Variants in RB1 observed in about 807,000 individuals in gnomAD.
RB1 encodes the protein RB transcriptional corepressor 1, also known as retinoblastoma-associated protein.
Under a neutral mutation model 135.4 loss-of-function variants are expected in RB1, and 18 were observed. The ratio of observed to expected loss-of-function variants is 0.13; its 90% CI spans 0.09 to 0.20. RB1 has a LOEUF of 0.20. Ranked by LOEUF, RB1 falls within the 10% of genes least tolerant of loss-of-function variation. The probability of loss-of-function intolerance (pLI) is 1.00; values close to 1 mark genes in which losing one functional copy is unlikely to be tolerated. For missense variants in RB1, 868 were observed against 1,110.0 expected (o/e 0.78, Z 3.10); for synonymous variants, 365 against 373.2 (o/e 0.98, Z 0.25).
At chr13:48,375,107 A>G (rs1424488393) in intron 12 of RB1, among the ~76,000 whole-genome samples, 5 of 152,128 alleles carry the variant, frequency 3.3e-5, no homozygotes, top group Non-Finnish European at 2.9e-5. Flanking sequence ...TCTTTATCCA[A>G]TCCACCACTG....
At chr13:48,338,351 G>A (rs548872848) in intron 2 of RB1, among the ~76,000 whole-genome samples, 7 of 152,194 alleles carry the variant, frequency 4.6e-5, no homozygotes, top group African/African-American at 9.6e-5. Flanking sequence ...CACAGAGTCC[G>A]GTATTTCTTG....
chr13:48,348,574 T>C (rs1952518258), intron 5 of RB1, among the ~76,000 whole-genome samples: 1 of 151,734 alleles, frequency 6.6e-6, no homozygotes, highest in African/African-American at 2.4e-5. Context: ...TGAAACAAAG[T>C]ATGTTATAAC....
intron 10 of RB1, 33 bp from the exon 11 acceptor site, chr13:48,368,494 A>G (rs2138122983): frequency 1.2e-6 from 2 of 1,611,414 alleles, no homozygotes; most frequent in South Asian, 1.1e-5. Flanking sequence ...GTAAATTTTC[A>G]GTATGTGAAT....
chr13:48,312,828 CT>C (rs1952143001), intron 2 of RB1, among the ~76,000 whole-genome samples: 2 of 152,164 alleles, frequency 1.3e-5, no homozygotes, highest in African/African-American at 4.8e-5. Context: ...TGACTAGTCT[CT>C]TCTTTTCTCC....
intron 17 of RB1, among the ~76,000 whole-genome samples, chr13:48,394,457 C>T (rs754333142): frequency 1.3e-5 from 2 of 152,208 alleles, no homozygotes; most frequent in Non-Finnish European, 2.9e-5. Context: ...TGGTCTACCT[C>T]AGCGGATCCC....
chr13:48,367,957 A>G (rs1422656319), intron 10 of RB1, among the ~76,000 whole-genome samples: 1 of 152,172 alleles, frequency 6.6e-6, no homozygotes, highest in Admixed American at 6.5e-5. Flanking sequence ...TTTATTTAAA[A>G]AAGTTTATAC....
chr13:48,476,900 G>C lies in RB1; in HGVS notation c.2663+57G>C, dbSNP rs1234385415. ...CCGAGATGGTCATCTGGGGAATCCA[G>C]AGTCTCAGCACTGCTCCTGGCTTAT... On this transcript the variant is annotated intron_variant, in intron 25 of 26. Transcript: ENST00000267163. The C allele has an allele frequency of 1.4e-5, 22 of 1,591,866 alleles. No homozygotes were observed. The East Asian group carries it at 4.5e-4, about 32-fold the overall frequency.
rs957520917 is a variant in RB1, at chr13:48,402,297, C to T, written c.1695+20854C>T. 9.3e-5 allele frequency among the ~76,000 whole-genome samples: 14 copies of T among 150,950 alleles called. 1 individual carries two copies. The highest frequency in any genetic ancestry group is 7.9e-4 in the Admixed American group (12 of 15,140). The stretch of plus-strand genomic sequence containing the variant: ...TTTAACGGGGTCTTCTGAAAATAAA[C>T]GTTTGCACATTTCAGTTCCAATGAA... On this transcript the variant is annotated intron_variant, in intron 17 of 26. Coordinates refer to ENST00000267163, the MANE Select transcript of RB1 (RefSeq NM_000321.3).
In RB1 at chr13:48,345,080, T is replaced by G; in HGVS notation, c.381T>G (p.Ser127Arg). The stretch of plus-strand genomic sequence containing the variant: ...CTTTTTTCTATTCTTTCCTTTGTAG[T>G]GTCCATAAATTCTTTAACTTACTAA... ...FTELQKNIEI[S>R]VHKFFNLLKE... Residue 127 changes from serine (S) to arginine (R), a missense_variant and splice_region_variant, in exon 4 of 27, where the codon AGT (serine) becomes AGG (arginine). Around this residue, in one of 3 missense-constraint regions of RB1, gnomAD observed 641 missense variants for 791.3 expected, o/e 0.81. Coordinates refer to ENST00000267163, the MANE Select transcript of RB1 (RefSeq NM_000321.3). 3 of 1,610,598 alleles carry G rather than the reference T, an allele frequency of 1.9e-6. No individual in the cohort carries two copies. Among genetic ancestry groups the G allele is most frequent in the Non-Finnish European group, 2.5e-6 (3 of 1,178,086 alleles).
chr13:48,342,547 C>T (rs200537722), intron 2 of RB1, 52 bp from the exon 3 acceptor site: 38 of 1,065,900 alleles, frequency 3.6e-5, no homozygotes, highest in Non-Finnish European at 5.3e-5. Flanking sequence ...AACATAGTAT[C>T]CAGTGTGTGA....
chr13:48,322,898 G>A (rs1435988476), intron 2 of RB1, among the ~76,000 whole-genome samples: 1 of 151,718 alleles, frequency 6.6e-6, no homozygotes, highest in African/African-American at 2.4e-5. Context: ...CTTTTGATAT[G>A]TTGCTAGATT....
intron 17 of RB1, among the ~76,000 whole-genome samples, chr13:48,434,051 T>C (rs1001459206): frequency 5.3e-5 from 8 of 152,056 alleles, no homozygotes; most frequent in Non-Finnish European, 1.2e-4. Flanking sequence ...GTTACAAGAA[T>C]ATATGTTCTT....
intron 17 of RB1, among the ~76,000 whole-genome samples, chr13:48,447,852 G>T (rs764675124): frequency 1.3e-5 from 2 of 152,154 alleles, no homozygotes; most frequent in Admixed American, 6.5e-5. Context: ...AATGAAATAT[G>T]AAGACTATTG....
chr13:48,307,689 T>C lies in RB1; in HGVS notation c.264+283T>C, dbSNP rs4151429. Among the ~76,000 whole-genome samples the C allele has an allele frequency of 0.03, 3,115 of 102,514 alleles. 107 individuals carry two copies. Among genetic ancestry groups the C allele is most frequent in the African/African-American group, 0.093 (2,937 of 31,506 alleles). 67.3% of individuals were successfully genotyped at this position (102,514 alleles called of 152,430 possible). Reference sequence around the variant, plus strand: ...GGGCAACATGGTGAAACCCTGTCTCTACTAAAATACAAAAAAAAAAAAAAA... The same window carrying C: ...GGGCAACATGGTGAAACCCTGTCTCCACTAAAATACAAAAAAAAAAAAAAA... On this transcript the variant is annotated intron_variant, in intron 2 of 26. Transcript: ENST00000267163.
intron 17 of RB1, among the ~76,000 whole-genome samples, chr13:48,450,095 T>TATA (rs368853300): frequency 4.0e-5 from 3 of 75,610 alleles, no homozygotes; most frequent in Non-Finnish European, 6.2e-5. Flanking sequence ...TATATATATA[T>TATA]TTTTTTTTTT....
chr13:48,450,192 A>T (rs1949318140), intron 17 of RB1, among the ~76,000 whole-genome samples: 1 of 151,990 alleles, frequency 6.6e-6, no homozygotes, highest in Non-Finnish European at 1.5e-5. Flanking sequence ...TTCATCATGA[A>T]ATCTTTCCCC....
In RB1 at chr13:48,481,342, G is replaced by A. The variant is rs969362383; in HGVS notation, c.*1271G>A. ...AAACAGCTGCATTAGAAAAAGAGGC[G>A]CTTCTCCCCTCCCCTACACCTAAAG... On this transcript the variant is annotated 3_prime_UTR_variant, in exon 27 of 27. Coordinates refer to ENST00000267163, the MANE Select transcript of RB1 (RefSeq NM_000321.3). The A allele has an allele frequency of 1.7e-5, 4 of 231,756 alleles. No individual in the cohort carries two copies. Among genetic ancestry groups the A allele is most frequent in the African/African-American group, 2.2e-5 (1 of 45,212 alleles). The allele number at this position is 231,756 out of a possible 1,614,324, so 14.4% of individuals were successfully genotyped here.
In RB1 at chr13:48,459,886, A is replaced by AG; in HGVS notation, c.2106+53_2106+54insG. The AG allele has an allele frequency of 2.0e-6, 2 of 1,004,912 alleles. 1 individual carries two copies. Among genetic ancestry groups the AG allele is most frequent in the East Asian group, 7.1e-5 (2 of 28,236 alleles). The allele number at this position is 1,004,912 out of a possible 1,614,324, so 62.2% of individuals were successfully genotyped here. ...CTCCTCCCTACTTACTTGTTAACTG[A>AG]TTCTTTCTTTCTTTCTTTCTTTCTT... is the stretch of plus-strand genomic sequence containing the variant. On this transcript the variant is annotated intron_variant, in intron 20 of 26. Transcript: ENST00000267163.
intron 6 of RB1, 64 bp from the exon 7 acceptor site, chr13:48,359,953 G>A (rs1593443381): frequency 1.8e-5 from 28 of 1,594,046 alleles, no homozygotes; most frequent in Non-Finnish European, 2.0e-5. Context: ...TCTACCCTGC[G>A]ATTTTCTCTC....
Sources: allele counts gnomAD v4.1 joint callset (sites outside exome capture counted in the v4.1 genomes callset), GRCh38; gene constraint gnomAD v4.1.1; regional missense constraint gnomAD v4.1.1; transcripts MANE v1.5; gene names NCBI Gene and HGNC (gene_info 2026-07-23, HGNC 2026-07-21).